SLC9A3: variants seen among roughly 807,000 people sequenced by gnomAD.
SLC9A3 encodes the protein sodium/hydrogen exchanger 3.
In SLC9A3, 37 loss-of-function variants were observed where a neutral mutation model predicts 86.8. That is an observed-to-expected ratio of 0.43 (90% CI 0.33 to 0.56). The LOEUF is 0.56. Among genes scored for constraint, SLC9A3 ranks in the 20% least tolerant of loss-of-function variants. SLC9A3 has a pLI of 0.06. For synonymous variants in SLC9A3, 581 were observed against 528.3 expected (o/e 1.10, Z -1.37); for missense variants, 1,011 against 1,171.9 (o/e 0.86, Z 2.00).
At position 472,766 on chromosome 5, in the gene SLC9A3, G is replaced by T. The variant is rs1367195793; in HGVS notation, c.*613C>A. ...CTGGGCCTGCAGCCGCTGCAGGTCG[G>T]GCCCTGAGTCCTGGCGCTCGGGAGG... On this transcript the variant is annotated 3_prime_UTR_variant, in exon 17 of 17. Transcript: ENST00000264938. 1.7e-6 allele frequency: 1 copy of T among 586,152 alleles called. No individual in the cohort carries two copies. The highest frequency in any genetic ancestry group is 2.2e-5 in the Admixed American group (1 of 46,018). 36.3% of individuals were successfully genotyped at this position (586,152 alleles called of 1,614,324 possible). A position where few individuals can be genotyped will look rare whatever the true frequency, so the allele number is the denominator to read the frequency against.
Position 491,946 on chromosome 5 carries a change from T to C in SLC9A3, c.337A>G (p.Thr113Ala). The part of the protein sequence containing the change: ...DHIASFTLTP[T>A]VFFFYLLPPI... ...GGCAGCAGGTAGAAGAAGAAGACGG[T>C]GGGCGTCAGTGTGAAGGACGCGATG... Residue 113 changes from threonine (T) to alanine (A), a missense_variant, in exon 2 of 17, where the codon ACC becomes GCC. Around this residue, in one of 3 missense-constraint regions of SLC9A3, gnomAD observed 565 missense variants for 790.0 expected, o/e 0.72. Transcript: ENST00000264938. The surrounding 1 kb of genome is among the most constrained non-coding windows in gnomAD (Gnocchi z 9.2). 6.2e-7 allele frequency: 1 copy of C among 1,610,242 alleles called. No homozygotes were observed. The highest frequency in any genetic ancestry group is 8.5e-7 in the Non-Finnish European group (1 of 1,179,048).
In SLC9A3 at chr5:511,771, C is replaced by T. The variant is rs146673714; in HGVS notation, c.211+12341G>A. 8.9e-3 allele frequency among the ~76,000 whole-genome samples: 1,354 copies of T among 152,336 alleles called. 11 individuals are homozygous for T. Among genetic ancestry groups the T allele is most frequent in the South Asian group, 0.028 (133 of 4,828 alleles). On this transcript the variant is annotated intron_variant, in intron 1 of 16. Transcript: ENST00000264938. ...AGCAGGCCATGACCAGAAAACTCAA[C>T]GGTCAGGCCCGCAGGAGTTGAAATC...
chr5:500,842 CG>C (rs1283191338), intron 1 of SLC9A3, among the ~76,000 whole-genome samples: 1 of 126,290 alleles, frequency 7.9e-6, no homozygotes, highest in Non-Finnish European at 1.7e-5. Flanking sequence ...TGGGTGTGGA[CG>C]GGGCTGGTGT....
chr5:510,476 A>G (rs1017043361), intron 1 of SLC9A3, among the ~76,000 whole-genome samples: 1 of 152,216 alleles, frequency 6.6e-6, no homozygotes, highest in African/African-American at 2.4e-5. Context: ...AGCGGGGCCC[A>G]GGGGACAAGG....
intron 1 of SLC9A3, among the ~76,000 whole-genome samples, chr5:493,437 C>T (rs180803087): frequency 2.0e-5 from 3 of 152,390 alleles, no homozygotes; most frequent in East Asian, 3.9e-4. Context: ...CTGCGTGGCC[C>T]TGACGAGCTC....
chr5:517,891 A>G (rs1168287411), intron 1 of SLC9A3, among the ~76,000 whole-genome samples: 1 of 150,654 alleles, frequency 6.6e-6, no homozygotes, highest in Non-Finnish European at 1.5e-5. Flanking sequence ...CCACTTATCC[A>G]TCCATCCACC....
chr5:486,736 C>T (rs962236544), intron 3 of SLC9A3, among the ~76,000 whole-genome samples: 4 of 152,200 alleles, frequency 2.6e-5, no homozygotes, highest in South Asian at 2.1e-4. Context: ...CAATAGGACC[C>T]GTGTCCCTGT....
At chr5:485,007 C>T in intron 4 of SLC9A3, 146 bp downstream of exon 4, 1 of 694,818 alleles carries the variant, frequency 1.4e-6, no homozygotes, top group Non-Finnish European at 2.6e-6. Context: ...GTGAATCGCT[C>T]TGGACGGGGA....
intron 1 of SLC9A3, among the ~76,000 whole-genome samples, chr5:495,094 TGGG>T (rs146999742): frequency 1.5e-5 from 2 of 133,180 alleles, no homozygotes; most frequent in African/African-American, 5.5e-5. Flanking sequence ...TGTCCCCAGG[TGGG>T]GGGGCGCCGT....
intron 2 of SLC9A3, among the ~76,000 whole-genome samples, chr5:490,070 T>A (rs967955093): frequency 6.6e-6 from 1 of 152,174 alleles, no homozygotes; most frequent in African/African-American, 2.4e-5. Context: ...TCTGCAGAGA[T>A]CAGTTGCAGC....
At chr5:477,826 GC>G (rs1470380334) in intron 10 of SLC9A3, 1 of 183,932 alleles carries the variant, frequency 5.4e-6, no homozygotes, top group Non-Finnish European at 1.1e-5. Context: ...AACTCCATTG[GC>G]CTCATGTCCA....
At chr5:489,848 C>T (rs1164095208) in intron 2 of SLC9A3, among the ~76,000 whole-genome samples, 4 of 152,224 alleles carry the variant, frequency 2.6e-5, no homozygotes, top group South Asian at 2.1e-4. Context: ...CAGTTGCCCA[C>T]GGCCGTGCCA....
chr5:507,163 C>CTGCT (rs1553999262), intron 1 of SLC9A3, among the ~76,000 whole-genome samples: 1 of 34,754 alleles, frequency 2.9e-5, no homozygotes, highest in African/African-American at 1.3e-4. Flanking sequence ...CCGGCTGCTG[C>CTGCT]TTCTTTTTTT....
chr5:515,009 G>A (rs192162700), intron 1 of SLC9A3, among the ~76,000 whole-genome samples: 8 of 152,264 alleles, frequency 5.3e-5, no homozygotes, highest in African/African-American at 9.6e-5. Flanking sequence ...CAAAGCCCTC[G>A]GGGATGCACT....
chr5:490,032 G>C (rs946105370), intron 2 of SLC9A3, among the ~76,000 whole-genome samples: 1 of 152,242 alleles, frequency 6.6e-6, no homozygotes, highest in African/African-American at 2.4e-5. Flanking sequence ...GTTTGGCCTT[G>C]AGACGCTCCA....
At position 472,490 on chromosome 5, in the gene SLC9A3, C is replaced by A. The variant is rs1169217842; in HGVS notation, c.*889G>T. The A allele has an allele frequency of 1.8e-5, 6 of 334,508 alleles. No individual in the cohort carries two copies. The highest frequency in any genetic ancestry group is 3.5e-5 in the Non-Finnish European group (6 of 169,896). 20.7% of individuals were successfully genotyped at this position (334,508 alleles called of 1,614,324 possible). On this transcript the variant is annotated 3_prime_UTR_variant, in exon 17 of 17. Coordinates refer to ENST00000264938, the MANE Select transcript of SLC9A3 (RefSeq NM_004174.4). ...TCTCACCCAGCCAGGGCACCCCGGG[C>A]GACCTCCGCGCCAGGTGCGACAGCT...
Position 488,473 on chromosome 5 carries a change from T to C in SLC9A3, c.518A>G (p.Asp173Gly). The C allele has an allele frequency of 6.4e-7, 1 of 1,561,802 alleles. No homozygotes were observed. The highest frequency in any genetic ancestry group is 8.7e-7 in the Non-Finnish European group (1 of 1,150,636). ...YGVFLSGLMG[D>G]LQIGLLDFLL... is the part of the protein sequence containing the mutation. ...GAAGTCCAGCAGCCCAATCTGCAGG[T>C]CGCCTGGAAGACAAGCCGGGCCGCG... is the stretch of plus-strand genomic sequence containing the variant. Residue 173 changes from aspartate (D) to glycine (G), a missense_variant, in exon 3 of 17, where the codon GAC becomes GGC. By Grantham distance (94) the Asp-to-Gly change is moderately conservative (BLOSUM62 -1). Around this residue, in one of 3 missense-constraint regions of SLC9A3, gnomAD observed 565 missense variants for 790.0 expected, o/e 0.72. Coordinates refer to ENST00000264938, the MANE Select transcript of SLC9A3 (RefSeq NM_004174.4).
In SLC9A3 at chr5:491,701, A is replaced by G; in HGVS notation, c.514+68T>C. ...GGTGCGGCACCCCGACCTTTCTGAG[A>G]TGAGGCAGCGCCGCCCCTCCCGGAC... is the stretch of plus-strand genomic sequence containing the variant. On this transcript the variant is annotated intron_variant, in intron 2 of 16. Transcript: ENST00000264938. This position sits in a 1 kb window ranked among gnomAD's most constrained non-coding sequence, Gnocchi z 9.2. 3 of 1,384,948 alleles carry G rather than the reference A, an allele frequency of 2.2e-6. No homozygotes were observed. The highest frequency in any genetic ancestry group is 1.9e-4 in the Middle Eastern group (1 of 5,140). The allele number at this position is 1,384,948 out of a possible 1,614,324, so 85.8% of individuals were successfully genotyped here.
In SLC9A3 at chr5:472,086, C is replaced by A. The variant is rs1036159630; in HGVS notation, c.*1293G>T. The A allele has an allele frequency of 2.3e-6, 1 of 432,902 alleles. No homozygotes were observed. Among genetic ancestry groups the A allele is most frequent in the African/African-American group, 2.0e-5 (1 of 49,190 alleles). 26.8% of individuals were successfully genotyped at this position (432,902 alleles called of 1,614,324 possible). On this transcript the variant is annotated 3_prime_UTR_variant, in exon 17 of 17. Transcript: ENST00000264938. Reference sequence around the variant, plus strand: ...GCAGGCAGGTTTCAGGTGGGTTGGACCCTGTGGGACTTGCCGTCTGAGGGA... The same window carrying A: ...GCAGGCAGGTTTCAGGTGGGTTGGAACCTGTGGGACTTGCCGTCTGAGGGA...
Sources: gnomAD v4.1 joint callset for allele counts (sites outside exome capture counted in the v4.1 genomes callset) on GRCh38, gnomAD v4.1.1 for gene constraint, gnomAD v4.1.1 regional missense constraint, Gnocchi (gnomAD v3.1) non-coding constraint, MANE v1.5 for transcripts, NCBI Gene and HGNC (gene_info 2026-07-23, HGNC 2026-07-21) for gene names.